ROBO2: variants seen among roughly 807,000 people sequenced by gnomAD.
The protein encoded by ROBO2 is roundabout guidance receptor 2, also known as roundabout homolog 2.
Under a neutral mutation model 160.8 loss-of-function variants are expected in ROBO2, and 53 were observed. The ratio of observed to expected loss-of-function variants is 0.33; its 90% CI spans 0.26 to 0.41. The LOEUF is 0.41. Among genes scored for constraint, ROBO2 ranks in the 10% least tolerant of loss-of-function variants. The pLI is 1.00. For synonymous variants in ROBO2, 664 were observed against 611.7 expected (o/e 1.09, Z -1.26); for missense variants, 1,577 against 1,722.4 (o/e 0.92, Z 1.49).
intron 2 of ROBO2, among the ~76,000 whole-genome samples, chr3:77,154,324 A>C (rs1363172091): frequency 2.0e-5 from 3 of 152,116 alleles, no homozygotes; most frequent in Non-Finnish European, 4.4e-5. Context: ...TGTTTAGCTA[A>C]ATATGTCCTC....
intron 1 of ROBO2, among the ~76,000 whole-genome samples, chr3:77,073,704 C>T (rs191188113): frequency 6.6e-6 from 1 of 152,108 alleles, no homozygotes; most frequent in South Asian, 2.1e-4. Flanking sequence ...TCTTTTCTGT[C>T]GACATGAATA....
At chr3:77,406,416 A>G (rs551106874) in intron 2 of ROBO2, among the ~76,000 whole-genome samples, 1 of 152,330 alleles carries the variant, frequency 6.6e-6, no homozygotes, top group Non-Finnish European at 1.5e-5. Context: ...CCTTTTAAAT[A>G]AAAATTGGAG....
At chr3:76,170,146 A>G (rs2072989998) in intron 2 of ROBO2, among the ~76,000 whole-genome samples, 1 of 152,002 alleles carries the variant, frequency 6.6e-6, no homozygotes, top group Non-Finnish European at 1.5e-5. Flanking sequence ...AGTCATTTTA[A>G]AGATAACTTC....
intron 2 of ROBO2, among the ~76,000 whole-genome samples, chr3:76,840,963 A>C (rs1218536046): frequency 6.6e-6 from 1 of 152,038 alleles, no homozygotes; most frequent in Non-Finnish European, 1.5e-5. Flanking sequence ...GTCCAACTAC[A>C]AGCCTATCTC....
intron 2 of ROBO2, among the ~76,000 whole-genome samples, chr3:76,025,163 A>G (rs1017462274): frequency 1.3e-5 from 2 of 151,682 alleles, no homozygotes; most frequent in African/African-American, 4.8e-5. Flanking sequence ...GCAGAAAATT[A>G]ATTTTAAATA....
chr3:77,499,522 G>A (rs2087241709), intron 5 of ROBO2, among the ~76,000 whole-genome samples: 1 of 151,726 alleles, frequency 6.6e-6, no homozygotes, highest in South Asian at 2.1e-4. Context: ...GTTAACTACA[G>A]GGAAAAAAAT....
chr3:77,125,537 C>A (rs146921534), intron 2 of ROBO2, among the ~76,000 whole-genome samples: 1 of 151,978 alleles, frequency 6.6e-6, no homozygotes, highest in East Asian at 1.9e-4. Context: ...TTCTTAACGA[C>A]GAAAAGATTG....
chr3:76,033,230 A>G (rs2066987504), intron 2 of ROBO2, among the ~76,000 whole-genome samples: 1 of 151,814 alleles, frequency 6.6e-6, no homozygotes, highest in Non-Finnish European at 1.5e-5. Flanking sequence ...CTTTCTATGT[A>G]TTTTCTATTT....
intron 2 of ROBO2, among the ~76,000 whole-genome samples, chr3:76,719,484 C>T (rs1414019850): frequency 1.3e-5 from 2 of 152,172 alleles, no homozygotes; most frequent in Admixed American, 6.5e-5. Context: ...TACAGGCTCA[C>T]ACCACCACAC....
chr3:77,419,761 T>C (rs75998140), intron 2 of ROBO2, among the ~76,000 whole-genome samples: 2,655 of 152,238 alleles, frequency 0.017, 43 homozygotes, highest in Non-Finnish European at 0.029. Context: ...TATAAGTAAA[T>C]GGATATTTGT....
chr3:77,499,625 T>C (rs941162576), intron 5 of ROBO2, among the ~76,000 whole-genome samples: 14 of 151,828 alleles, frequency 9.2e-5, no homozygotes, highest in African/African-American at 3.4e-4. Flanking sequence ...ATATACAATA[T>C]TATTTTTAAA....
intron 2 of ROBO2, among the ~76,000 whole-genome samples, chr3:76,774,569 G>T (rs1293406121): frequency 6.6e-6 from 1 of 150,790 alleles, no homozygotes. Flanking sequence ...AGTAAATGTT[G>T]CTCCTTAAAA....
At chr3:76,436,750 A>G (rs1273968531) in intron 2 of ROBO2, among the ~76,000 whole-genome samples, 1 of 152,202 alleles carries the variant, frequency 6.6e-6, no homozygotes, top group Non-Finnish European at 1.5e-5. Context: ...ATAATACAAT[A>G]TAGCTTATCA....
intron 2 of ROBO2, among the ~76,000 whole-genome samples, chr3:76,715,201 T>C (rs1205140576): frequency 6.6e-6 from 1 of 152,150 alleles, no homozygotes; most frequent in African/African-American, 2.4e-5. Flanking sequence ...CCACAGGATC[T>C]TATTTTAATC....
At chr3:76,427,521 A>G (rs2108986713) in intron 2 of ROBO2, among the ~76,000 whole-genome samples, 1 of 152,264 alleles carries the variant, frequency 6.6e-6, no homozygotes, top group Middle Eastern at 3.4e-3. Context: ...ATGTAACTTA[A>G]TTCATGAATT....
At chr3:77,147,951 C>T (rs1353595982) in intron 2 of ROBO2, among the ~76,000 whole-genome samples, 1 of 152,192 alleles carries the variant, frequency 6.6e-6, no homozygotes, top group Non-Finnish European at 1.5e-5. Flanking sequence ...CAAGCTGTCA[C>T]CATTTCACTA....
chr3:76,077,909 C>T (rs1346916425), intron 2 of ROBO2, among the ~76,000 whole-genome samples: 1 of 152,178 alleles, frequency 6.6e-6, no homozygotes, highest in Non-Finnish European at 1.5e-5. Context: ...CCATTGATAA[C>T]CATTCCCCCT....
chr3:77,642,790 C>T (rs919218238), intron 24 of ROBO2: 22 of 456,560 alleles, frequency 4.8e-5, no homozygotes, highest in Non-Finnish European at 9.7e-5. Context: ...TCTAGAGAGA[C>T]AACATGCATC....
At chr3:77,111,157 A>C (rs949765372) in intron 2 of ROBO2, among the ~76,000 whole-genome samples, 14 of 152,210 alleles carry the variant, frequency 9.2e-5, no homozygotes, top group African/African-American at 3.4e-4. Context: ...AAAAAAGACA[A>C]GCTACATACA....
Sources: allele counts gnomAD v4.1 joint callset (sites outside exome capture counted in the v4.1 genomes callset), GRCh38; gene constraint gnomAD v4.1.1; transcripts MANE v1.5; gene names NCBI Gene and HGNC (gene_info 2026-07-23, HGNC 2026-07-21).